TRPC7: variants seen among roughly 807,000 people sequenced by gnomAD.
The protein encoded by TRPC7 is transient receptor potential cation channel subfamily C member 7, also known as short transient receptor potential channel 7.
A neutral mutation model predicts 90.1 loss-of-function variants in TRPC7; 42 were observed. The ratio of observed to expected loss-of-function variants is 0.47; its 90% CI spans 0.36 to 0.60. The LOEUF (loss-of-function observed/expected upper bound fraction) is 0.60. Among genes scored for constraint, TRPC7 ranks in the 20% least tolerant of loss-of-function variants. The pLI is 0.00. For missense variants in TRPC7, 955 were observed against 1,112.3 expected, an observed-to-expected ratio of 0.86 and a Z score of 2.01; for synonymous variants, 451 against 436.3, an observed-to-expected ratio of 1.03 and a Z score of -0.42.
At chr5:136,326,573 A>T (rs569098619) in intron 2 of TRPC7, among the ~76,000 whole-genome samples, 1 of 152,296 alleles carries the variant, frequency 6.6e-6, no homozygotes, top group South Asian at 2.1e-4. Flanking sequence ...TTAGGAGAAG[A>T]TGAGAAGAGA....
intron 8 of TRPC7, among the ~76,000 whole-genome samples, chr5:136,228,436 CTTT>C (rs55851435): frequency 7.1e-6 from 1 of 140,584 alleles, no homozygotes. Context: ...TTTATAGTTC[CTTT>C]TTTTTTTTTT....
intron 2 of TRPC7, among the ~76,000 whole-genome samples, chr5:136,346,912 T>C (rs1190794868): frequency 6.6e-6 from 1 of 152,210 alleles, no homozygotes; most frequent in Non-Finnish European, 1.5e-5. Context: ...TTTGCTGGCG[T>C]AACTAGTTAA....
intron 7 of TRPC7, among the ~76,000 whole-genome samples, chr5:136,245,389 C>T (rs762157236): frequency 8.5e-5 from 13 of 152,188 alleles, no homozygotes; most frequent in Non-Finnish European, 1.6e-4. Context: ...GGTGGGGCAG[C>T]GCAGTCCATA....
At chr5:136,243,939 T>C (rs1037927643) in intron 7 of TRPC7, among the ~76,000 whole-genome samples, 9 of 151,976 alleles carry the variant, frequency 5.9e-5, no homozygotes, top group Non-Finnish European at 1.2e-4. Context: ...AGGTCTGGGG[T>C]CCTCTTGGTT....
chr5:136,231,086 T>C (rs1399490699), intron 8 of TRPC7, among the ~76,000 whole-genome samples: 1 of 152,170 alleles, frequency 6.6e-6, no homozygotes, highest in African/African-American at 2.4e-5. Flanking sequence ...CACGAGGTCC[T>C]GAGAAGACAA....
At chr5:136,231,236 G>A in intron 8 of TRPC7, 118 bp downstream of exon 8, 1 of 910,214 alleles carries the variant, frequency 1.1e-6, no homozygotes, top group Admixed American at 3.1e-5. Flanking sequence ...CCTGTTCTTT[G>A]CTGTTCTGGC....
chr5:136,309,349 A>G (rs1167277557), intron 3 of TRPC7, among the ~76,000 whole-genome samples: 1 of 152,156 alleles, frequency 6.6e-6, no homozygotes, highest in Non-Finnish European at 1.5e-5. Flanking sequence ...GGACTATCAG[A>G]CCTACTGCTC....
rs181408062 is a variant in TRPC7 at position 136,269,128 on chromosome 5, C to A, written c.1129-2692G>T. ...TGTAAAAAGAGATGAAGATGTGGGC[C>A]TTAGCCTGCTGTGCCTGGAGTGCAG... is the stretch of plus-strand genomic sequence containing the variant. On this transcript the variant is annotated intron_variant, in intron 4 of 11. Transcript: ENST00000513104. 4.6e-5 allele frequency among the ~76,000 whole-genome samples: 7 copies of A among 152,256 alleles called. 1 individual carries two copies. The highest frequency in any genetic ancestry group is 1.3e-4 in the Admixed American group (2 of 15,288).
chr5:136,218,527 A>G (rs565463158), intron 10 of TRPC7, among the ~76,000 whole-genome samples: 1 of 152,362 alleles, frequency 6.6e-6, no homozygotes, highest in South Asian at 2.1e-4. Context: ...TTTCTCATGT[A>G]AAATGATAAG....
At chr5:136,225,902 G>T in intron 9 of TRPC7, 132 bp downstream of exon 9, 2 of 712,036 alleles carry the variant, frequency 2.8e-6, no homozygotes, top group Non-Finnish European at 4.7e-6. Context: ...ACTCTACAGA[G>T]TACCGGCCCT....
At chr5:136,282,657 T>C (rs571268555) in intron 3 of TRPC7, among the ~76,000 whole-genome samples, 1 of 152,360 alleles carries the variant, frequency 6.6e-6, no homozygotes, top group East Asian at 1.9e-4. Context: ...ATATTCTTAA[T>C]ACCAGTATTT....
At chr5:136,259,962 G>A (rs541476576) in intron 5 of TRPC7, among the ~76,000 whole-genome samples, 112 of 152,270 alleles carry the variant, frequency 7.4e-4, no homozygotes, top group African/African-American at 2.6e-3. Flanking sequence ...TAAATATCCT[G>A]GAATGATGAT....
intron 4 of TRPC7, 68 bp from the exon 5 acceptor site, chr5:136,266,504 A>G: frequency 7.3e-7 from 1 of 1,376,194 alleles, no homozygotes; most frequent in Non-Finnish European, 1.0e-6. Context: ...TCTTTATAAC[A>G]TCGCTTTCAC....
At chr5:136,260,058 C>A (rs1344209184) in intron 5 of TRPC7, among the ~76,000 whole-genome samples, 1 of 152,100 alleles carries the variant, frequency 6.6e-6, no homozygotes, top group African/African-American at 2.4e-5. Flanking sequence ...TTTGGCCTTC[C>A]TATAGAACTG....
intron 3 of TRPC7, among the ~76,000 whole-genome samples, chr5:136,305,378 C>T (rs1020497576): frequency 5.3e-5 from 8 of 152,216 alleles, no homozygotes; most frequent in Non-Finnish European, 1.0e-4. Flanking sequence ...CCTCTCAGAA[C>T]CTCTCATTTC....
At chr5:136,276,339 G>C (rs1222220648) in intron 3 of TRPC7, among the ~76,000 whole-genome samples, 1 of 152,124 alleles carries the variant, frequency 6.6e-6, no homozygotes. Flanking sequence ...TTTTTCAAAG[G>C]GACAACTTAT....
At chr5:136,322,398 C>T (rs775563217) in intron 2 of TRPC7, among the ~76,000 whole-genome samples, 1 of 152,180 alleles carries the variant, frequency 6.6e-6, no homozygotes, top group Non-Finnish European at 1.5e-5. Flanking sequence ...GCTGAATATA[C>T]AGTAAATGCA....
intron 10 of TRPC7, among the ~76,000 whole-genome samples, chr5:136,223,188 A>C (rs531042470): frequency 1.1e-4 from 16 of 152,238 alleles, no homozygotes; most frequent in African/African-American, 1.7e-4. Context: ...TTCCAAGGTC[A>C]TCAGTTGCCT....
chr5:136,350,026 G>A (rs1760139897), intron 2 of TRPC7, among the ~76,000 whole-genome samples: 1 of 152,140 alleles, frequency 6.6e-6, no homozygotes, highest in African/African-American at 2.4e-5. Flanking sequence ...CAGGTTTATA[G>A]CCTAGGAGCA....
Sources: gnomAD v4.1 joint callset for allele counts (sites outside exome capture counted in the v4.1 genomes callset) on GRCh38, gnomAD v4.1.1 for gene constraint, MANE v1.5 for transcripts, NCBI Gene and HGNC (gene_info 2026-07-23, HGNC 2026-07-21) for gene names.